USP36: variants seen among roughly 807,000 people sequenced by gnomAD.
The protein encoded by USP36 is ubiquitin specific peptidase 36.
A neutral mutation model predicts 111.5 loss-of-function variants in USP36; 59 were observed. That is an observed-to-expected ratio of 0.53 (90% CI 0.43 to 0.66). The LOEUF is 0.66. Ranked by LOEUF, USP36 falls within the 30% of genes least tolerant of loss-of-function variation. The pLI is 0.00. For missense variants in USP36, 1,488 were observed against 1,468.0 expected (o/e 1.01, Z -0.22); for synonymous variants, 628 against 581.0 (o/e 1.08, Z -1.16).
chr17:78,836,069 C>A, intron 3 of USP36, 42 bp downstream of exon 3: 5 of 1,601,476 alleles, frequency 3.1e-6, no homozygotes, highest in Non-Finnish European at 4.3e-6. Context: ...CTTCGTCACC[C>A]CGGAGTGAGG....
chr17:78,838,747 G>A lies in USP36; in HGVS notation c.-170C>T, dbSNP rs2068952896. 2 of 152,402 alleles carry A rather than the reference G, an allele frequency of 1.3e-5. No homozygotes were observed. The allele number at this position is 152,402 out of a possible 1,614,324, so 9.4% of individuals were successfully genotyped here. A position where few individuals can be genotyped will look rare whatever the true frequency, so the allele number is the denominator to read the frequency against. On this transcript the variant is annotated 5_prime_UTR_variant, in exon 2 of 21. Transcript: ENST00000449938. ...CACCGAAGCCGCAGAGCGGGCGTCAGAGCCTGTGGGAGGGACAGGGAGACC... is the reference window on the plus strand; with the variant it reads ...CACCGAAGCCGCAGAGCGGGCGTCAAAGCCTGTGGGAGGGACAGGGAGACC...
intron 10 of USP36, among the ~76,000 whole-genome samples, chr17:78,816,739 A>C (rs1463537890): frequency 6.6e-6 from 1 of 152,156 alleles, no homozygotes; most frequent in Non-Finnish European, 1.5e-5. Context: ...AGCCTCCCTA[A>C]GTGCTGACAT....
intron 14 of USP36, among the ~76,000 whole-genome samples, chr17:78,806,736 A>C (rs999490530): frequency 6.6e-6 from 1 of 152,222 alleles, no homozygotes; most frequent in Non-Finnish European, 1.5e-5. Flanking sequence ...GAGTCACATG[A>C]GCATCACCAG....
At chr17:78,827,404 C>A in intron 5 of USP36, 57 bp from the exon 6 acceptor site, 8 of 1,530,092 alleles carry the variant, frequency 5.2e-6, no homozygotes, top group Admixed American at 1.9e-5. Context: ...AAACGGCCTG[C>A]GGCTGCTTTC....
rs151312884 is a variant in USP36, at chr17:78,796,174, G to C, written c.*1726C>G. 2.6e-5 allele frequency: 4 copies of C among 152,324 alleles called. No individual in the cohort carries two copies. In the East Asian group the frequency reaches 5.8e-4, roughly 22 times the overall value. 9.4% of individuals were successfully genotyped at this position (152,324 alleles called of 1,614,324 possible). Reference sequence around the variant, plus strand: ...AGGGAAGAGACTGATTTGGAGGAGAGAAGGGAGAGAAAGGAACGAGATAAA... The same window carrying C: ...AGGGAAGAGACTGATTTGGAGGAGACAAGGGAGAGAAAGGAACGAGATAAA... On this transcript the variant is annotated 3_prime_UTR_variant, in exon 21 of 21. Transcript: ENST00000449938.
intron 2 of USP36, among the ~76,000 whole-genome samples, chr17:78,837,423 C>A (rs894495154): frequency 2.6e-5 from 4 of 152,044 alleles, no homozygotes; most frequent in African/African-American, 9.7e-5. Context: ...AGCTATGAAA[C>A]CCAGGGACAA....
intron 6 of USP36, among the ~76,000 whole-genome samples, chr17:78,825,560 G>T (rs969244999): frequency 6.6e-6 from 1 of 151,956 alleles, no homozygotes; most frequent in Non-Finnish European, 1.5e-5. Context: ...ACCAACGAAT[G>T]GCTCACCACC....
At chr17:78,834,476 T>C (rs2068459208) in intron 4 of USP36, among the ~76,000 whole-genome samples, 1 of 151,894 alleles carries the variant, frequency 6.6e-6, no homozygotes, top group Non-Finnish European at 1.5e-5. Context: ...GGAGTCTTGC[T>C]CTGTCACCCA....
intron 1 of USP36, among the ~76,000 whole-genome samples, chr17:78,839,408 T>G (rs1481343027): frequency 1.3e-5 from 2 of 152,098 alleles, no homozygotes; most frequent in Non-Finnish European, 2.9e-5. Flanking sequence ...CCGAAAAATG[T>G]GTAAGGAAAT....
chr17:78,836,828 C>G (rs866092864), intron 2 of USP36, among the ~76,000 whole-genome samples: 12 of 148,896 alleles, frequency 8.1e-5, no homozygotes, highest in Middle Eastern at 3.2e-3. Context: ...CAAACGGACA[C>G]ACACACACAC....
chr17:78,818,528 A>G (rs765901154), intron 10 of USP36, 139 bp downstream of exon 10: 3 of 708,922 alleles, frequency 4.2e-6, no homozygotes, highest in Non-Finnish European at 7.1e-6. Context: ...CTACTTCACA[A>G]TATGTGTAGA....
At position 78,802,538 on chromosome 17, in the gene USP36, G is replaced by C. The variant is rs1445810111; in HGVS notation, c.2811-3C>G. 6.9e-6 allele frequency: 11 copies of C among 1,602,612 alleles called. No homozygotes were observed. The highest frequency in any genetic ancestry group is 9.3e-6 in the Non-Finnish European group (11 of 1,179,290). On this transcript the variant is annotated splice_region_variant and splice_polypyrimidine_tract_variant and intron_variant, in intron 16 of 20. Coordinates refer to ENST00000449938, the MANE Select transcript of USP36 (RefSeq NM_001385174.1). ...CACCATCACCCATGGGAGAGCAGCT[G>C]CTTGGAAGTGAGAGGCAGCAGTCAG... is the stretch of plus-strand genomic sequence containing the variant.
intron 10 of USP36, among the ~76,000 whole-genome samples, chr17:78,817,898 C>A (rs778125694): frequency 6.6e-6 from 1 of 152,064 alleles, no homozygotes; most frequent in Non-Finnish European, 1.5e-5. Context: ...CTGGGCAACA[C>A]AGCAAGATGC....
chr17:78,816,461 A>G (rs2094191916), intron 10 of USP36, among the ~76,000 whole-genome samples: 2 of 152,092 alleles, frequency 1.3e-5, no homozygotes, highest in Non-Finnish European at 2.9e-5. Context: ...CCCCGTCTCT[A>G]CTAAAAATAC....
Position 78,827,285 on chromosome 17 carries a change from T to C in USP36, c.649A>G (p.Ile217Val). 6.2e-7 allele frequency: 1 copy of C among 1,614,044 alleles called. No homozygotes were observed. The highest frequency in any genetic ancestry group is 8.5e-7 in the Non-Finnish European group (1 of 1,180,038). Reference sequence around the variant, plus strand: ...AGGCAGGCTTTCTGCATGGCGTCGATGGTGTACCGCAGGAACTCATGCGCG... The same window carrying C: ...AGGCAGGCTTTCTGCATGGCGTCGACGGTGTACCGCAGGAACTCATGCGCG... ...EDAHEFLRYT[I>V]DAMQKACLNG... is the part of the protein sequence containing the mutation. Residue 217 changes from isoleucine to valine, a missense_variant, in exon 6 of 21, where the codon ATC (isoleucine) becomes GTC (valine). Ile to Val is a conservative substitution (Grantham distance 29, BLOSUM62 3). Around this residue, in one of 3 missense-constraint regions of USP36, gnomAD observed 196 missense variants for 264.4 expected, o/e 0.74. Coordinates refer to ENST00000449938, the MANE Select transcript of USP36 (RefSeq NM_001385174.1).
At chr17:78,815,567 G>A (rs1215862875) in intron 10 of USP36, among the ~76,000 whole-genome samples, 3 of 152,196 alleles carry the variant, frequency 2.0e-5, no homozygotes, top group African/African-American at 7.2e-5. Context: ...AGAAAAGGGA[G>A]AGAATGCTGG....
intron 3 of USP36, among the ~76,000 whole-genome samples, chr17:78,789,191 T>G: frequency 1.0e-5 from 1 of 98,034 alleles, no homozygotes. Flanking sequence ...GAGAGAAACT[T>G]GGTCCCAAAA....
rs1439251499 is a variant in USP36, at chr17:78,802,436, T to G, written c.2910A>C (p.Glu970Asp). 2.5e-6 allele frequency: 4 copies of G among 1,612,738 alleles called. No homozygotes were observed. The highest frequency in any genetic ancestry group is 2.7e-5 in the African/African-American group (2 of 74,928). Reference sequence around the variant, plus strand: ...TTGGGCATTTGAGATGCCCATCCTCTTCTACTGCCCGCTGTGTCTCCTGCT... The same window carrying G: ...TTGGGCATTTGAGATGCCCATCCTCGTCTACTGCCCGCTGTGTCTCCTGCT... ...KRKQETQRAV[E>D]EDGHLKCPRS... The change falls in exon 17 of 21, where the codon GAA becomes GAC. Residue 970 changes from glutamate (E) to aspartate (D), a missense_variant. Around this residue, in one of 3 missense-constraint regions of USP36, gnomAD observed 1,073 missense variants for 994.1 expected, o/e 1.08. Coordinates refer to ENST00000449938, the MANE Select transcript of USP36 (RefSeq NM_001385174.1).
chr17:78,809,907 C>T (rs1232875947), intron 13 of USP36, among the ~76,000 whole-genome samples: 1 of 151,654 alleles, frequency 6.6e-6, no homozygotes, highest in Non-Finnish European at 1.5e-5. Flanking sequence ...AGTGCAGTGG[C>T]ACAATCTCAG....
Sources: allele counts gnomAD v4.1 joint callset (sites outside exome capture counted in the v4.1 genomes callset), GRCh38; gene constraint gnomAD v4.1.1; regional missense constraint gnomAD v4.1.1; transcripts MANE v1.5; gene names NCBI Gene and HGNC (gene_info 2026-07-23, HGNC 2026-07-21).